PHACTR1: variants seen among roughly 807,000 people sequenced by gnomAD.
PHACTR1 encodes RPEL repeat containing 1.
In PHACTR1, 16 loss-of-function variants were observed where a neutral mutation model predicts 69.2. That is an observed-to-expected ratio of 0.23 (90% CI 0.16 to 0.35). The LOEUF (loss-of-function observed/expected upper bound fraction) is 0.35, where lower values mean the gene tolerates loss of function less well. PHACTR1 is among the 10% of genes least tolerant of loss of function. PHACTR1 has a pLI of 1.00. For synonymous variants in PHACTR1, 312 were observed against 284.5 expected (o/e 1.10, Z -0.97); for missense variants, 510 against 734.7 (o/e 0.69, Z 3.54).
chr6:12,988,304 C>T (rs1796429754), intron 4 of PHACTR1, among the ~76,000 whole-genome samples: 1 of 152,146 alleles, frequency 6.6e-6, no homozygotes, highest in Non-Finnish European at 1.5e-5. Context: ...CTGGAGCTGA[C>T]CTAGAAATCA....
intron 10 of PHACTR1, among the ~76,000 whole-genome samples, chr6:13,236,817 G>A (rs1400988546): frequency 2.6e-5 from 4 of 152,172 alleles, no homozygotes; most frequent in Admixed American, 6.5e-5. Flanking sequence ...AACCCTTGGA[G>A]AAGTTTCAAG....
At chr6:12,932,108 T>C (rs1418986322) in intron 4 of PHACTR1, among the ~76,000 whole-genome samples, 2 of 152,186 alleles carry the variant, frequency 1.3e-5, no homozygotes, top group Admixed American at 6.5e-5. Context: ...CTGATGCACA[T>C]TCAGTTCTGA....
chr6:12,732,189 T>G (rs1444325692), intron 3 of PHACTR1, among the ~76,000 whole-genome samples: 3 of 152,018 alleles, frequency 2.0e-5, no homozygotes, highest in Non-Finnish European at 2.9e-5. Context: ...ATAGAAAAAT[T>G]TAAAATATAT....
intron 3 of PHACTR1, among the ~76,000 whole-genome samples, chr6:12,724,039 G>A (rs560334161): frequency 1.3e-5 from 2 of 152,246 alleles, no homozygotes; most frequent in African/African-American, 4.8e-5. Flanking sequence ...CTTTTAAAAA[G>A]CACTATGGGC....
chr6:13,002,738 G>A (rs1051862456), intron 4 of PHACTR1, among the ~76,000 whole-genome samples: 22 of 152,136 alleles, frequency 1.4e-4, no homozygotes, highest in Admixed American at 1.2e-3. Context: ...GTCTTAATAT[G>A]CACCATTTAA....
In PHACTR1 at chr6:12,749,673, A is replaced by G. The variant is rs1259647242; in HGVS notation, c.133A>G (p.Thr45Ala). The change falls in exon 4 of 15, where the codon ACA becomes GCA. Residue 45 changes from threonine to alanine, a missense_variant. By Grantham distance (58) the Thr-to-Ala change is moderately conservative. Around this residue, in one of 2 missense-constraint regions of PHACTR1, gnomAD observed 419 missense variants for 530.9 expected, o/e 0.79. Transcript: ENST00000332995. ...ARRATLLLPP[T>A]LMAASSEDDI... ...CCGGGCGACCCTGCTCCTGCCTCCCACATTAATGGCGGCATCCTCGGAGGA... is the reference window on the plus strand; with the variant it reads ...CCGGGCGACCCTGCTCCTGCCTCCCGCATTAATGGCGGCATCCTCGGAGGA... 8 of 1,601,172 alleles carry G rather than the reference A, an allele frequency of 5.0e-6. No individual in the cohort carries two copies. The highest frequency in any genetic ancestry group is 2.7e-5 in the African/African-American group (2 of 73,008).
intron 4 of PHACTR1, among the ~76,000 whole-genome samples, chr6:12,782,269 C>A (rs1254520886): frequency 6.6e-6 from 1 of 152,192 alleles, no homozygotes; most frequent in African/African-American, 2.4e-5. Context: ...GGGTTTAAAA[C>A]ATGACACGGA....
chr6:13,277,396 T>A (rs1333407218), intron 11 of PHACTR1, among the ~76,000 whole-genome samples: 3 of 152,172 alleles, frequency 2.0e-5, no homozygotes, highest in Non-Finnish European at 2.9e-5. Flanking sequence ...CATGGAAGAT[T>A]CAAACAATCG....
At chr6:13,148,489 C>T (rs144018658) in intron 5 of PHACTR1, among the ~76,000 whole-genome samples, 200 of 152,290 alleles carry the variant, frequency 1.3e-3, no homozygotes, top group African/African-American at 4.5e-3. Context: ...AATGCTTCAA[C>T]AGCTGGTTTG....
At chr6:12,951,225 C>T (rs1791254851) in intron 4 of PHACTR1, among the ~76,000 whole-genome samples, 1 of 152,192 alleles carries the variant, frequency 6.6e-6, no homozygotes, top group East Asian at 1.9e-4. Flanking sequence ...TTCTGGGAAG[C>T]TCTATGTGAA....
chr6:12,938,279 A>G (rs1789683084), intron 4 of PHACTR1, among the ~76,000 whole-genome samples: 1 of 152,200 alleles, frequency 6.6e-6, no homozygotes, highest in Non-Finnish European at 1.5e-5. Flanking sequence ...ACCAAAGGTT[A>G]CACAGATAGT....
chr6:13,224,835 C>T (rs900959276), intron 8 of PHACTR1, among the ~76,000 whole-genome samples: 3 of 152,168 alleles, frequency 2.0e-5, no homozygotes, highest in African/African-American at 2.4e-5. Flanking sequence ...TTTAGAAAGC[C>T]GCTCCGACAG....
chr6:13,185,277 C>T (rs1468837152), intron 7 of PHACTR1, among the ~76,000 whole-genome samples: 2 of 152,172 alleles, frequency 1.3e-5, no homozygotes, highest in Non-Finnish European at 2.9e-5. Context: ...ATTTAAGTGA[C>T]TAATTCAAGA....
intron 4 of PHACTR1, among the ~76,000 whole-genome samples, chr6:12,817,808 G>A (rs1775755632): frequency 6.6e-6 from 1 of 151,786 alleles, no homozygotes; most frequent in Non-Finnish European, 1.5e-5. Context: ...TTAAAGGTAA[G>A]CACATGTTTA....
intron 7 of PHACTR1, among the ~76,000 whole-genome samples, chr6:13,189,225 TATC>T (rs762868053): frequency 2.6e-5 from 4 of 152,230 alleles, no homozygotes; most frequent in African/African-American, 9.6e-5. Flanking sequence ...TTGATATTGT[TATC>T]ATTATTACCT....
At chr6:13,237,801 A>G (rs1772229692) in intron 10 of PHACTR1, among the ~76,000 whole-genome samples, 1 of 152,234 alleles carries the variant, frequency 6.6e-6, no homozygotes, top group Non-Finnish European at 1.5e-5. Context: ...GGTAAAGCCT[A>G]TTGCTCCTCA....
At chr6:13,258,253 G>C (rs994005864) in intron 10 of PHACTR1, among the ~76,000 whole-genome samples, 1 of 151,970 alleles carries the variant, frequency 6.6e-6, no homozygotes, top group Non-Finnish European at 1.5e-5. Flanking sequence ...AGCTTCTAGG[G>C]GGGAGGCAGG....
At chr6:13,081,213 T>C (rs1011388154) in intron 5 of PHACTR1, among the ~76,000 whole-genome samples, 2 of 152,190 alleles carry the variant, frequency 1.3e-5, no homozygotes, top group Non-Finnish European at 2.9e-5. Context: ...CATAACTCCA[T>C]TGTACTTTCT....
intron 5 of PHACTR1, among the ~76,000 whole-genome samples, chr6:13,107,738 T>C (rs1390606727): frequency 6.6e-6 from 1 of 152,162 alleles, no homozygotes; most frequent in Non-Finnish European, 1.5e-5. Flanking sequence ...CCATTCCTGA[T>C]ATTCATAATT....
Sources: gnomAD v4.1 joint callset for allele counts (sites outside exome capture counted in the v4.1 genomes callset) on GRCh38, gnomAD v4.1.1 for gene constraint, gnomAD v4.1.1 regional missense constraint, MANE v1.5 for transcripts, NCBI Gene and HGNC (gene_info 2026-07-23, HGNC 2026-07-21) for gene names.